Variants in TARBP1 observed in about 807,000 individuals in gnomAD.
TARBP1 encodes the protein tRNA guanosine 2 -O-methyltransferase TARBP1.
TARBP1 carries 144 observed loss-of-function variants against 178.6 expected under a neutral mutation model. That is an observed-to-expected ratio of 0.81 (90% confidence interval 0.70 to 0.93). The LOEUF (loss-of-function observed/expected upper bound fraction) is 0.93, where lower values mean the gene tolerates loss of function less well. Ranked by LOEUF, TARBP1 falls within the 40% of genes least tolerant of loss-of-function variation. The pLI, the probability that TARBP1 is intolerant of heterozygous loss-of-function variation, is 0.00. For synonymous variants in TARBP1, 787 were observed against 781.0 expected (o/e 1.01, Z -0.13); for missense variants, 2,067 against 2,011.7 (o/e 1.03, Z -0.53).
Position 234,391,726 on chromosome 1 carries a change from GA to G in TARBP1, c.4716del (p.Pro1573GlnfsTer4). 6.2e-7 allele frequency: 1 copy of G among 1,613,130 alleles called. No homozygotes were observed. On this transcript the variant is annotated frameshift_variant, in exon 30 of 30. Coordinates refer to ENST00000040877, the MANE Select transcript of TARBP1 (RefSeq NM_005646.4). LOFTEE classifies it low-confidence loss of function (END_TRUNC). ...LLLLGNEREG[I>X]PANLIQQLDV... ...TCCAACTGTTGGATCAGATTTGCTG[GA>G]ATTCCCTCACGTTCATTTCTGAGGA...
chr1:234,391,664 G>A lies in TARBP1; in HGVS notation c.4779C>T (p.Arg1593=). ...CTCCACTCACATGGACATTCAGGGA[G>A]CGGATAATGCCCTGTTGAGGAATTT... The part of the protein sequence containing the change: ...CVEIPQQGII[R]SLNVHVSGAL... The change falls in exon 30 of 30, where the codon CGC becomes CGT. Residue 1593 remains arginine (R), a synonymous_variant. Transcript: ENST00000040877. The A allele has an allele frequency of 6.2e-7, 1 of 1,613,750 alleles. No individual in the cohort carries two copies. The highest frequency in any genetic ancestry group is 1.3e-5 in the African/African-American group (1 of 75,022).
chr1:234,402,385 CTAT>C (rs1354035848), intron 24 of TARBP1, among the ~76,000 whole-genome samples: 1 of 151,980 alleles, frequency 6.6e-6, no homozygotes, highest in African/African-American at 2.4e-5. Context: ...TTCTAATATA[CTAT>C]TTTTTGAGAG....
At chr1:234,459,698 G>A (rs985369164) in intron 7 of TARBP1, among the ~76,000 whole-genome samples, 4 of 151,754 alleles carry the variant, frequency 2.6e-5, no homozygotes, top group African/African-American at 9.7e-5. Context: ...TTTAATCCCA[G>A]CTACTTAGGA....
rs1007846557 is a variant in TARBP1, at chr1:234,479,153, C to G, written c.-50G>C. The G allele has an allele frequency of 2.1e-6, 3 of 1,455,372 alleles. No homozygotes were observed. Among genetic ancestry groups the G allele is most frequent in the Non-Finnish European group, 2.7e-6 (3 of 1,115,552 alleles). The allele number at this position is 1,455,372 out of a possible 1,614,324, so 90.2% of individuals were successfully genotyped here. ...CCGGGCTCCCAAAGGAAGGCGCCGG[C>G]GTGTGCGATGCGTGCGCACAGGACC... On this transcript the variant is annotated 5_prime_UTR_variant, in exon 1 of 30. Transcript: ENST00000040877.
At chr1:234,432,570 G>C (rs914192099) in intron 14 of TARBP1, among the ~76,000 whole-genome samples, 3 of 152,190 alleles carry the variant, frequency 2.0e-5, no homozygotes, top group Non-Finnish European at 4.4e-5. Context: ...ACTAATCGAA[G>C]AAGACCTCTA....
chr1:234,468,977 GTCAGGTGAAAAATACCACATCTCTC>G lies in TARBP1; in HGVS notation c.1100-1352_1100-1328del, dbSNP rs1668749215. ...CTATTTTTTCATGGAAAACACAAAA[GTCAGGTGAAAAATACCACATCTCTC>G]TCACCATTTTACCCCCAATAATTAC... On this transcript the variant is annotated intron_variant, in intron 3 of 29. Transcript: ENST00000040877. Among the ~76,000 whole-genome samples, 4 of 147,084 alleles carry G rather than the reference GTCAGGTGAAAAATACCACATCTCTC, an allele frequency of 2.7e-5. No homozygotes were observed. The South Asian group carries it at 8.7e-4, about 32-fold the overall frequency.
intron 9 of TARBP1, among the ~76,000 whole-genome samples, chr1:234,455,824 G>A (rs1416277798): frequency 6.6e-6 from 1 of 150,968 alleles, no homozygotes; most frequent in South Asian, 2.1e-4. Flanking sequence ...AATATAAAAA[G>A]AGCACTTACA....
At position 234,425,668 on chromosome 1, in the gene TARBP1, CTTACT is replaced by C; in HGVS notation, c.3444_3444+4del. The C allele has an allele frequency of 6.2e-7, 1 of 1,609,802 alleles. No homozygotes were observed. Among genetic ancestry groups the C allele is most frequent in the Non-Finnish European group, 8.5e-7 (1 of 1,178,356 alleles). ...CAAAGATAATTTAAAGTAAAATACA[CTTACT>C]TTATCTAATAGCTTGATTGCAAGAT... is the stretch of plus-strand genomic sequence containing the variant. On this transcript the variant is annotated splice_donor_variant and splice_donor_region_variant and coding_sequence_variant and intron_variant, in exon 20 of 30. Transcript: ENST00000040877. LOFTEE classifies it high-confidence loss of function.
At chr1:234,402,852 C>CTGGG (rs1374885255) in intron 24 of TARBP1, among the ~76,000 whole-genome samples, 6 of 152,106 alleles carry the variant, frequency 3.9e-5, no homozygotes, top group Non-Finnish European at 8.8e-5. Flanking sequence ...TCGCAAAGTG[C>CTGGG]TGGGATTACA....
intron 13 of TARBP1, among the ~76,000 whole-genome samples, chr1:234,434,027 AT>A: frequency 6.6e-6 from 1 of 152,338 alleles, no homozygotes; most frequent in East Asian, 1.9e-4. Context: ...TTAAATGCAC[AT>A]TTTTTGACTC....
chr1:234,436,655 T>C (rs552422860), intron 13 of TARBP1, among the ~76,000 whole-genome samples: 1 of 152,378 alleles, frequency 6.6e-6, no homozygotes, highest in Admixed American at 6.5e-5. Flanking sequence ...TTTCTTATTT[T>C]ATTGGCAATG....
intron 1 of TARBP1, 31 bp from the exon 2 acceptor site, chr1:234,472,842 T>C (rs374200984): frequency 4.1e-5 from 62 of 1,506,246 alleles, no homozygotes; most frequent in African/African-American, 5.7e-5. Context: ...AAATTAGTTC[T>C]TCCTTTTGCA....
At chr1:234,457,208 G>A (rs1394523346) in intron 9 of TARBP1, among the ~76,000 whole-genome samples, 1 of 152,200 alleles carries the variant, frequency 6.6e-6, no homozygotes, top group Non-Finnish European at 1.5e-5. Context: ...GAGGAAAGAT[G>A]TTTATGAGAC....
rs1311933004 is a variant in TARBP1, at chr1:234,444,851, G to C, written c.2134+1952C>G. Among the ~76,000 whole-genome samples the C allele has an allele frequency of 2.0e-5, 3 of 152,212 alleles. No individual in the cohort carries two copies. In the East Asian group the frequency reaches 5.8e-4, roughly 29 times the overall value. ...CACTCTCACCTATGCTTGGATGCCAGTCAGCAAACACCACCCCTTTATGTC... is the reference window on the plus strand; with the variant it reads ...CACTCTCACCTATGCTTGGATGCCACTCAGCAAACACCACCCCTTTATGTC... On this transcript the variant is annotated intron_variant, in intron 12 of 29. Transcript: ENST00000040877.
Position 234,398,471 on chromosome 1 carries a change from T to C in TARBP1, c.4154A>G (p.Asp1385Gly). The change falls in exon 26 of 30, where the codon GAT becomes GGT. Residue 1385 changes from aspartate (D) to glycine (G), a missense_variant. Physicochemically the swap from Asp to Gly is moderately conservative, Grantham distance 94. Transcript: ENST00000040877. ...CTGAAATCCCGCAGCTAAAGGAACATCAGTGAATCTGGTAAATTTATCAAT... is the reference window on the plus strand; with the variant it reads ...CTGAAATCCCGCAGCTAAAGGAACACCAGTGAATCTGGTAAATTTATCAAT... Reference protein sequence around the residue: ...ITIDKFTRFTDVPLAAGFQWY... With the variant: ...ITIDKFTRFTGVPLAAGFQWY... The C allele has an allele frequency of 6.2e-7, 1 of 1,611,888 alleles. No homozygotes were observed. The highest frequency in any genetic ancestry group is 8.5e-7 in the Non-Finnish European group (1 of 1,178,572).
Position 234,392,503 on chromosome 1 carries a change from C to T in TARBP1, c.4610G>A (p.Gly1537Asp), listed in dbSNP as rs752261391. The T allele has an allele frequency of 6.2e-5, 100 of 1,613,868 alleles. No individual in the cohort carries two copies. The highest frequency in any genetic ancestry group is 6.5e-5 in the Non-Finnish European group (77 of 1,179,928). ...IDYLQQKKTE[G>D]YTIIGVEQTA... ...TTGTTCCACTCCAATGATGGTATAA[C>T]CTTCTGTTTTCTTCTGCTGCAGATA... The change falls in exon 29 of 30, where the codon GGT (glycine) becomes GAT (aspartate). Residue 1537 changes from glycine (G) to aspartate (D), a missense_variant. Gly to Asp is a moderately conservative substitution (Grantham distance 94, BLOSUM62 -1). Transcript: ENST00000040877.
intron 9 of TARBP1, among the ~76,000 whole-genome samples, chr1:234,456,087 C>T (rs186995781): frequency 5.5e-4 from 84 of 152,248 alleles, no homozygotes; most frequent in African/African-American, 1.7e-3. Context: ...TACTTTGAAA[C>T]CTCTCTCAAT....
In TARBP1 at chr1:234,478,640, T is replaced by G; in HGVS notation, c.464A>C (p.Glu155Ala). ...AAVGPCLRPREDGPLLERVAG... is the reference protein window; with the variant it reads ...AAVGPCLRPRADGPLLERVAG... ...CACGCGCTCCAGTAGCGGCCCGTCC[T>G]CGCGGGGCCGCAAACATGGCCCGAC... Residue 155 changes from glutamate to alanine, a missense_variant, in exon 1 of 30, where the codon GAG becomes GCG. By Grantham distance (107) the Glu-to-Ala change is moderately radical. Transcript: ENST00000040877. 1 of 1,286,388 alleles carries G rather than the reference T, an allele frequency of 7.8e-7. No homozygotes were observed. The highest frequency in any genetic ancestry group is 9.8e-7 in the Non-Finnish European group (1 of 1,017,132). The allele number at this position is 1,286,388 out of a possible 1,614,324, so 79.7% of individuals were successfully genotyped here.
Position 234,471,237 on chromosome 1 carries a change from A to C in TARBP1, c.1050T>G (p.Val350=), listed in dbSNP as rs1478809765. 6.3e-7 allele frequency: 1 copy of C among 1,598,700 alleles called. No individual in the cohort carries two copies. The highest frequency in any genetic ancestry group is 1.1e-5 in the South Asian group (1 of 87,486). Residue 350 remains valine (V), a synonymous_variant, in exon 3 of 30, where the codon GTT becomes GTG. Transcript: ENST00000040877. ...CAAACAGATTGTTTAGCTTTGGTAA[A>C]ACTGGCTTTATAACATGTATCTAAA... ...EGNQIHVIKP[V]LPKLNNLFEY...
Sources: gnomAD v4.1 joint callset for allele counts (sites outside exome capture counted in the v4.1 genomes callset) on GRCh38, gnomAD v4.1.1 for gene constraint, MANE v1.5 for transcripts, NCBI Gene and HGNC (gene_info 2026-07-23, HGNC 2026-07-21) for gene names.